Variants in PRIM2 observed in about 807,000 individuals in gnomAD.
The protein encoded by PRIM2 is DNA primase large subunit.
Under a neutral mutation model 67.3 loss-of-function variants are expected in PRIM2, and 39 were observed. That is an observed-to-expected ratio of 0.58 (90% CI 0.45 to 0.76). The LOEUF is 0.76. Among genes scored for constraint, PRIM2 ranks in the 30% least tolerant of loss-of-function variants. The pLI, the probability that PRIM2 is intolerant of heterozygous loss-of-function variation, is 0.00. For missense variants in PRIM2, 398 were observed against 598.7 expected (o/e 0.66, Z 3.50); for synonymous variants, 143 against 198.7 (o/e 0.72, Z 2.36).
Position 57,545,142 on chromosome 6 carries a change from A to G in PRIM2, c.1020+7517A>G, listed in dbSNP as rs1775259151. ...TAGAAATATAGATTCCCAGAATCAAATTTGTTGTCGTCCATGTATTTTTCT... is the reference window on the plus strand; with the variant it reads ...TAGAAATATAGATTCCCAGAATCAAGTTTGTTGTCGTCCATGTATTTTTCT... On this transcript the variant is annotated intron_variant, in intron 10 of 13. Coordinates refer to ENST00000615550, the MANE Select transcript of PRIM2 (RefSeq NM_000947.5). 2.0e-5 allele frequency among the ~76,000 whole-genome samples: 3 copies of G among 152,216 alleles called. No homozygotes were observed. In the East Asian group the frequency reaches 5.8e-4, roughly 29 times the overall value.
At chr6:57,610,486 C>CT (rs1222236153) in intron 12 of PRIM2, among the ~76,000 whole-genome samples, 1 of 151,928 alleles carries the variant, frequency 6.6e-6, no homozygotes, top group Non-Finnish European at 1.5e-5. Context: ...TTTCATTTTC[C>CT]TTTTTAATTA....
intron 7 of PRIM2, among the ~76,000 whole-genome samples, chr6:57,479,340 G>A (rs1403794887): frequency 6.6e-6 from 1 of 152,020 alleles, no homozygotes; most frequent in African/African-American, 2.4e-5. Flanking sequence ...CTTGGTTAAT[G>A]TGTTGTAGAC....
intron 5 of PRIM2, 38 bp downstream of exon 5, chr6:57,326,083 C>T: frequency 1.3e-6 from 2 of 1,599,784 alleles, no homozygotes; most frequent in Non-Finnish European, 1.7e-6. Context: ...ATTGTTCTCA[C>T]CATTCATTTT....
At chr6:57,456,633 C>T (rs1342669100) in intron 7 of PRIM2, among the ~76,000 whole-genome samples, 3 of 152,142 alleles carry the variant, frequency 2.0e-5, no homozygotes, top group Admixed American at 6.5e-5. Context: ...GTTTTCACCT[C>T]CATTAGGTCC....
intron 7 of PRIM2, among the ~76,000 whole-genome samples, chr6:57,399,994 G>T (rs963117100): frequency 1.3e-5 from 2 of 152,140 alleles, no homozygotes; most frequent in South Asian, 4.1e-4. Context: ...TTGTCATTAC[G>T]AGACCCATTA....
intron 10 of PRIM2, among the ~76,000 whole-genome samples, chr6:57,549,519 A>G (rs1178020987): frequency 2.0e-5 from 3 of 152,016 alleles, no homozygotes; most frequent in African/African-American, 7.2e-5. Context: ...CTTGAGGACA[A>G]TAGTAATGTC....
At chr6:57,299,432 C>T in the PRIM2 span, among the ~76,000 whole-genome samples, 1 of 152,128 alleles carries the variant, frequency 6.6e-6, no homozygotes, top group Non-Finnish European at 1.5e-5. Flanking sequence ...CTTTCTTTTT[C>T]TCCTTTTAAG....
intron 10 of PRIM2, among the ~76,000 whole-genome samples, chr6:57,551,478 T>C (rs1229938615): frequency 6.6e-6 from 1 of 152,186 alleles, no homozygotes; most frequent in African/African-American, 2.4e-5. Context: ...CCCTAAGAAG[T>C]AGATTGCTTT....
At chr6:57,362,796 A>G (rs1390305358) in intron 5 of PRIM2, among the ~76,000 whole-genome samples, 2 of 152,330 alleles carry the variant, frequency 1.3e-5, no homozygotes, top group East Asian at 3.9e-4. Context: ...GATGTCATAA[A>G]GAAGAAAATT....
intron 10 of PRIM2, among the ~76,000 whole-genome samples, chr6:57,564,532 C>T (rs1775698988): frequency 6.6e-6 from 1 of 151,396 alleles, no homozygotes; most frequent in Non-Finnish European, 1.5e-5. Flanking sequence ...TTTTTTTTAC[C>T]GTTCTACTTT....
At chr6:57,385,801 G>A (rs1229671625) in intron 7 of PRIM2, among the ~76,000 whole-genome samples, 1 of 152,154 alleles carries the variant, frequency 6.6e-6, no homozygotes, top group Non-Finnish European at 1.5e-5. Context: ...ATTTCAAGTA[G>A]TACTGTAACA....
At chr6:57,225,126 A>C in the PRIM2 span, among the ~76,000 whole-genome samples, 1 of 151,834 alleles carries the variant, frequency 6.6e-6, no homozygotes, top group Non-Finnish European at 1.5e-5. Flanking sequence ...ACAATTTATC[A>C]CCTTTTAAAA....
chr6:57,574,313 G>A (rs1775921930), intron 10 of PRIM2, among the ~76,000 whole-genome samples: 1 of 152,048 alleles, frequency 6.6e-6, no homozygotes, highest in Non-Finnish European at 1.5e-5. Flanking sequence ...TTGCTACCAA[G>A]GCTTTTGAGC....
chr6:57,557,225 A>G (rs1173480628), intron 10 of PRIM2, among the ~76,000 whole-genome samples: 1 of 138,130 alleles, frequency 7.2e-6, no homozygotes, highest in Non-Finnish European at 1.5e-5. Context: ...AATTCCTCAA[A>G]GAGCTAAATA....
At chr6:57,335,053 T>G (rs1025947181) in intron 5 of PRIM2, among the ~76,000 whole-genome samples, 1 of 149,756 alleles carries the variant, frequency 6.7e-6, no homozygotes, top group Non-Finnish European at 1.5e-5. Context: ...ACTCGGGAAG[T>G]GCAAGGGGTC....
the PRIM2 span, among the ~76,000 whole-genome samples, chr6:57,280,396 T>C: frequency 3.9e-4 from 59 of 152,124 alleles, no homozygotes; most frequent in African/African-American, 1.3e-3. Flanking sequence ...CTTTTTTTTT[T>C]AAATAAACTT....
intron 5 of PRIM2, among the ~76,000 whole-genome samples, chr6:57,353,669 A>C (rs1562708991): frequency 6.6e-6 from 1 of 152,158 alleles, no homozygotes; most frequent in Non-Finnish European, 1.5e-5. Context: ...GTCTTAGGAA[A>C]AGTCTATTTT....
At chr6:57,585,215 G>C (rs1322869158) in intron 10 of PRIM2, among the ~76,000 whole-genome samples, 1 of 152,154 alleles carries the variant, frequency 6.6e-6, no homozygotes, top group Non-Finnish European at 1.5e-5. Flanking sequence ...ACAACACACC[G>C]GGTTTGACCT....
chr6:57,322,582 G>A (rs1056074138), intron 3 of PRIM2, among the ~76,000 whole-genome samples: 1 of 152,114 alleles, frequency 6.6e-6, no homozygotes, highest in African/African-American at 2.4e-5. Flanking sequence ...GAAGAAGGAC[G>A]TGTTTGTTTC....
Sources: gnomAD v4.1 joint callset for allele counts (sites outside exome capture counted in the v4.1 genomes callset) on GRCh38, gnomAD v4.1.1 for gene constraint, MANE v1.5 for transcripts, NCBI Gene and HGNC (gene_info 2026-07-23, HGNC 2026-07-21) for gene names.